UNC93A: variants seen among roughly 807,000 people sequenced by gnomAD.
UNC93A encodes N-acetylglucosamine transporter UNC93A.
In UNC93A, 43 loss-of-function variants were observed where a neutral mutation model predicts 47.5. The ratio of observed to expected loss-of-function variants is 0.91; its 90% CI spans 0.71 to 1.17. The LOEUF (loss-of-function observed/expected upper bound fraction) is 1.17. Among genes scored for constraint, UNC93A ranks in the 50% most tolerant of loss-of-function variants. The probability of loss-of-function intolerance (pLI) is 0.00; values close to 1 mark genes in which losing one functional copy is unlikely to be tolerated. For synonymous variants in UNC93A, 280 were observed against 258.0 expected (o/e 1.09, Z -0.82); for missense variants, 605 against 577.6 (o/e 1.05, Z -0.49).
At chr6:167,308,042 G>A (rs1778451977) in intron 7 of UNC93A, 132 bp downstream of exon 7, 4 of 1,281,564 alleles carry the variant, frequency 3.1e-6, no homozygotes, top group Non-Finnish European at 4.2e-6. Flanking sequence ...GGAGGGCCAA[G>A]AGGGCTTTGA....
chr6:167,293,433 G>A (rs1777946671), intron 1 of UNC93A, among the ~76,000 whole-genome samples: 4 of 152,192 alleles, frequency 2.6e-5, no homozygotes, highest in African/African-American at 9.7e-5. Flanking sequence ...CTGACCTTGA[G>A]CATGCGGACG....
At position 167,294,522 on chromosome 6, in the gene UNC93A, C is replaced by T. The variant is rs1207944933; in HGVS notation, c.93C>T (p.Ser31=). The change falls in exon 2 of 8, where the codon AGC becomes AGT. Residue 31 remains serine, a synonymous_variant. Transcript: ENST00000230256. ...GGCTGGCTTTGTTCCCACAGAGCAG[C>T]CTGTACAGCGAGGAGGGCCTGGGTG... ...AYGGLQSLQS[S]LYSEEGLGVT... The T allele has an allele frequency of 6.2e-7, 1 of 1,614,036 alleles. No individual in the cohort carries two copies. Among genetic ancestry groups the T allele is most frequent in the South Asian group, 1.1e-5 (1 of 91,086 alleles).
In UNC93A at chr6:167,296,128, T is replaced by A. The variant is rs1399674694; in HGVS notation, c.366T>A (p.His122Gln). 1 of 1,614,088 alleles carries A rather than the reference T, an allele frequency of 6.2e-7. No individual in the cohort carries two copies. The highest frequency in any genetic ancestry group is 8.5e-7 in the Non-Finnish European group (1 of 1,180,056). The change falls in exon 3 of 8, where the codon CAT becomes CAA. Residue 122 changes from histidine (H) to glutamine (Q), a missense_variant. His to Gln is a conservative substitution (Grantham distance 24). Transcript: ENST00000230256. ...CTYLTITGNT[H>Q]AEKAGKRGKD... ...ACCTCACGATCACGGGAAACACACATGCAGAGAAGGCGGGAAAGCGTGGCA... is the reference window on the plus strand; with the variant it reads ...ACCTCACGATCACGGGAAACACACAAGCAGAGAAGGCGGGAAAGCGTGGCA...
chr6:167,296,330 C>T, intron 3 of UNC93A, 69 bp downstream of exon 3: 1 of 1,528,498 alleles, frequency 6.5e-7, no homozygotes, highest in Non-Finnish European at 9.0e-7. Context: ...GGAGAGGGTT[C>T]CTGATTTCAG....
intron 1 of UNC93A, among the ~76,000 whole-genome samples, chr6:167,276,775 A>G (rs539834331): frequency 6.6e-6 from 1 of 152,228 alleles, no homozygotes; most frequent in Admixed American, 6.5e-5. Flanking sequence ...AAAAAAATGT[A>G]TTTATGGGTA....
chr6:167,282,040 TA>T (rs565730561), intron 1 of UNC93A, among the ~76,000 whole-genome samples: 1 of 152,136 alleles, frequency 6.6e-6, no homozygotes, highest in Non-Finnish European at 1.5e-5. Flanking sequence ...TTGTGAGAGA[TA>T]AAAAACAAAC....
chr6:167,292,183 C>G (rs1434082980), intron 1 of UNC93A, among the ~76,000 whole-genome samples: 2 of 152,166 alleles, frequency 1.3e-5, no homozygotes, highest in African/African-American at 4.8e-5. Context: ...CATTTCAAGT[C>G]TGATCTTTAC....
At chr6:167,275,056 G>T (rs141660233) in intron 1 of UNC93A, among the ~76,000 whole-genome samples, 1 of 152,226 alleles carries the variant, frequency 6.6e-6, no homozygotes, top group Non-Finnish European at 1.5e-5. Context: ...GCAACACCAC[G>T]TGGAAGTGTT....
chr6:167,277,625 C>G (rs972403210), intron 1 of UNC93A, among the ~76,000 whole-genome samples: 3 of 152,098 alleles, frequency 2.0e-5, no homozygotes, highest in Non-Finnish European at 4.4e-5. Context: ...CTCTCTCTCT[C>G]TGACTTTCTC....
rs761863375 is a variant in UNC93A at position 167,296,261 on chromosome 6, G to T, written c.499G>T (p.Glu167Ter). The T allele has an allele frequency of 6.2e-7, 1 of 1,614,028 alleles. No homozygotes were observed. Among genetic ancestry groups the T allele is most frequent in the Non-Finnish European group, 8.5e-7 (1 of 1,180,014 alleles). Residue 167 changes from glutamate to a stop codon, truncating the protein, a stop_gained and splice_region_variant, in exon 3 of 8, where the codon GAG (glutamate) becomes TAG (stop). Coordinates refer to ENST00000230256, the MANE Select transcript of UNC93A (RefSeq NM_018974.4). LOFTEE classifies it high-confidence loss of function. ...GGTATTTGGCCAGACTCCCAGCCAA[G>T]GTAAAAGGAAAAGGGGCAAGCAATT... Reference protein sequence around the residue: ...SLVFGQTPSQETLPEEQLTSC... With the variant: ...SLVFGQTPSQ
At chr6:167,269,237 T>A (rs1313551300), upstream of UNC93A, among the ~76,000 whole-genome samples, 1 of 152,170 alleles carries the variant, frequency 6.6e-6, no homozygotes, top group Non-Finnish European at 1.5e-5. Flanking sequence ...GGCCAGAACA[T>A]CATGGCTCTG....
intron 1 of UNC93A, among the ~76,000 whole-genome samples, chr6:167,279,745 C>T (rs1305206453): frequency 6.6e-6 from 1 of 152,146 alleles, no homozygotes; most frequent in African/African-American, 2.4e-5. Context: ...AAACAGAGCA[C>T]AGCAACAGAA....
chr6:167,315,053 C>A, intron 7 of UNC93A, 134 bp from the exon 8 acceptor site: 2 of 1,308,234 alleles, frequency 1.5e-6, no homozygotes, highest in Non-Finnish European at 2.1e-6. Context: ...CATGTAAAAT[C>A]ATTCTGTTGT....
Position 167,296,134 on chromosome 6 carries a change from G to T in UNC93A, c.372G>T (p.Glu124Asp), listed in dbSNP as rs770012376. 3.1e-6 allele frequency: 5 copies of T among 1,614,148 alleles called. No individual in the cohort carries two copies. In the African/African-American group the frequency reaches 6.7e-5, roughly 22 times the overall value. ...YLTITGNTHAEKAGKRGKDMV... is the reference protein window; with the variant it reads ...YLTITGNTHADKAGKRGKDMV... ...CGATCACGGGAAACACACATGCAGAGAAGGCGGGAAAGCGTGGCAAAGACA... is the reference window on the plus strand; with the variant it reads ...CGATCACGGGAAACACACATGCAGATAAGGCGGGAAAGCGTGGCAAAGACA... Residue 124 changes from glutamate (E) to aspartate (D), a missense_variant, in exon 3 of 8, where the codon GAG becomes GAT. Glu to Asp is a conservative substitution (Grantham distance 45, BLOSUM62 2). Coordinates refer to ENST00000230256, the MANE Select transcript of UNC93A (RefSeq NM_018974.4).
chr6:167,297,179 T>C (rs1476941862), intron 3 of UNC93A, among the ~76,000 whole-genome samples: 1 of 152,212 alleles, frequency 6.6e-6, no homozygotes, highest in East Asian at 1.9e-4. Flanking sequence ...GGCATTTCTT[T>C]CGAAGACCTT....
intron 1 of UNC93A, among the ~76,000 whole-genome samples, chr6:167,276,148 G>A (rs1003188612): frequency 7.1e-6 from 1 of 141,314 alleles, no homozygotes. Context: ...TTAATATCTT[G>A]TCCCCAGTTC....
chr6:167,297,912 AT>A, intron 3 of UNC93A, 32 bp from the exon 4 acceptor site: 1 of 1,607,484 alleles, frequency 6.2e-7, no homozygotes, highest in Middle Eastern at 1.7e-4. Context: ...ATTTGCCGTC[AT>A]CTCATGTCTC....
chr6:167,301,900 T>C (rs1778250489), intron 4 of UNC93A, among the ~76,000 whole-genome samples: 1 of 152,136 alleles, frequency 6.6e-6, no homozygotes, highest in Admixed American at 6.5e-5. Context: ...TGTGCAGGCG[T>C]GACAACCTGC....
At chr6:167,309,948 G>A (rs969470632) in intron 7 of UNC93A, among the ~76,000 whole-genome samples, 6 of 152,178 alleles carry the variant, frequency 3.9e-5, no homozygotes, top group African/African-American at 1.4e-4. Flanking sequence ...GGGTAGACTG[G>A]ACCCGAGGCC....
Sources: gnomAD v4.1 joint callset for allele counts (sites outside exome capture counted in the v4.1 genomes callset) on GRCh38, gnomAD v4.1.1 for gene constraint, MANE v1.5 for transcripts, NCBI Gene and HGNC (gene_info 2026-07-23, HGNC 2026-07-21) for gene names.